The following THRB variants were observed in gnomAD, a reference collection of about 807,000 sequenced individuals.
THRB encodes thyroid hormone receptor beta.
In THRB, 12 loss-of-function variants were observed where a neutral mutation model predicts 47.8. That is an observed-to-expected ratio of 0.25 (90% CI 0.16 to 0.41). THRB has a LOEUF of 0.41. Among genes scored for constraint, THRB ranks in the 10% least tolerant of loss-of-function variants. The pLI is 1.00. For synonymous variants in THRB, 218 were observed against 212.2 expected, an observed-to-expected ratio of 1.03 and a Z score of -0.24; for missense variants, 348 against 589.2, an observed-to-expected ratio of 0.59 and a Z score of 4.24.
At chr3:24,178,382 A>G (rs1432361918) in intron 5 of THRB, among the ~76,000 whole-genome samples, 1 of 152,136 alleles carries the variant, frequency 6.6e-6, no homozygotes, top group Non-Finnish European at 1.5e-5. Context: ...AACCCAGAGC[A>G]AAGGAGGCCA....
At chr3:24,127,078 C>A (rs551093843) in intron 10 of THRB, among the ~76,000 whole-genome samples, 1 of 152,228 alleles carries the variant, frequency 6.6e-6, no homozygotes, top group African/African-American at 2.4e-5. Context: ...ACTAAAACTT[C>A]AGTTGTAGCT....
intron 1 of THRB, chr3:24,431,041 C>A (rs1014608749): frequency 2.3e-4 from 35 of 152,232 alleles, no homozygotes; most frequent in African/African-American, 8.4e-4. Flanking sequence ...CAAACAAACT[C>A]ATGCACTGGT....
intron 1 of THRB, among the ~76,000 whole-genome samples, chr3:24,464,648 A>C (rs553309313): frequency 6.6e-6 from 1 of 152,038 alleles, no homozygotes; most frequent in African/African-American, 2.4e-5. Flanking sequence ...GACTCATTTC[A>C]GTTGTCTTAT....
intron 4 of THRB, among the ~76,000 whole-genome samples, chr3:24,202,423 C>G (rs1484762435): frequency 6.6e-6 from 1 of 152,068 alleles, no homozygotes; most frequent in Non-Finnish European, 1.5e-5. Flanking sequence ...ATTAACCAAA[C>G]AAGAGACAGC....
At chr3:24,205,084 A>G (rs974428964) in intron 4 of THRB, among the ~76,000 whole-genome samples, 1 of 152,220 alleles carries the variant, frequency 6.6e-6, no homozygotes, top group East Asian at 1.9e-4. Context: ...ACTCTGCAGC[A>G]TATTATCCAG....
intron 1 of THRB, among the ~76,000 whole-genome samples, chr3:24,368,518 G>A (rs1192014037): frequency 6.6e-6 from 1 of 152,218 alleles, no homozygotes; most frequent in Non-Finnish European, 1.5e-5. Flanking sequence ...TTCATAGAAA[G>A]AGGAGATGGA....
chr3:24,459,557 T>G (rs1173525991), intron 1 of THRB: 1 of 152,218 alleles, frequency 6.6e-6, no homozygotes, highest in Non-Finnish European at 1.5e-5. Context: ...CCACAATGGT[T>G]GAACTAATTT....
intron 5 of THRB, among the ~76,000 whole-genome samples, chr3:24,175,715 TA>T (rs200305749): frequency 0.012 from 1,754 of 152,254 alleles, 34 homozygotes; most frequent in African/African-American, 0.041. Context: ...TATCATGGCA[TA>T]AAAAAATGCA....
chr3:24,226,835 T>C (rs1014447897), intron 4 of THRB, among the ~76,000 whole-genome samples: 2 of 152,256 alleles, frequency 1.3e-5, no homozygotes, highest in African/African-American at 4.8e-5. Context: ...CAAGTCTATT[T>C]ATTTACATAT....
At chr3:24,222,450 G>T (rs2047246531) in intron 4 of THRB, among the ~76,000 whole-genome samples, 1 of 152,072 alleles carries the variant, frequency 6.6e-6, no homozygotes, top group Non-Finnish European at 1.5e-5. Flanking sequence ...GAAGGGTCCA[G>T]ATTCCTGACT....
chr3:24,426,493 T>C (rs1205505504), intron 1 of THRB, among the ~76,000 whole-genome samples: 1 of 151,980 alleles, frequency 6.6e-6, no homozygotes, highest in Admixed American at 6.6e-5. Context: ...AGCTGAATAA[T>C]GACTGCAAAG....
At chr3:24,134,419 CATTT>C (rs996614590) in intron 8 of THRB, among the ~76,000 whole-genome samples, 8 of 152,284 alleles carry the variant, frequency 5.3e-5, no homozygotes, top group Admixed American at 2.6e-4. Context: ...TCATAACCAC[CATTT>C]ATTTGTGGCC....
At chr3:24,476,901 A>T (rs1448335086) in intron 1 of THRB, among the ~76,000 whole-genome samples, 1 of 152,140 alleles carries the variant, frequency 6.6e-6, no homozygotes, top group African/African-American at 2.4e-5. Context: ...GAAGAAAATG[A>T]TCTCATTATC....
At chr3:24,132,552 T>C (rs999279423) in intron 9 of THRB, among the ~76,000 whole-genome samples, 3 of 152,212 alleles carry the variant, frequency 2.0e-5, no homozygotes, top group Non-Finnish European at 4.4e-5. Context: ...TAAGTGAAGT[T>C]TGAAGACATT....
At chr3:24,281,275 C>CA (rs2054570153) in intron 3 of THRB, among the ~76,000 whole-genome samples, 1 of 151,824 alleles carries the variant, frequency 6.6e-6, no homozygotes, top group Admixed American at 6.6e-5. Flanking sequence ...AGAGTGGGGG[C>CA]CAATATTCAA....
chr3:24,376,814 A>T (rs1352778641), intron 1 of THRB, among the ~76,000 whole-genome samples: 1 of 152,214 alleles, frequency 6.6e-6, no homozygotes, highest in Non-Finnish European at 1.5e-5. Context: ...AGACAATGAC[A>T]TCTAAAGTTT....
At chr3:24,410,573 C>T (rs1186907664) in intron 1 of THRB, among the ~76,000 whole-genome samples, 1 of 151,732 alleles carries the variant, frequency 6.6e-6, no homozygotes, top group Non-Finnish European at 1.5e-5. Flanking sequence ...TCCATTTCAA[C>T]ACTTATACAA....
chr3:24,354,374 T>C (rs1577059220), intron 1 of THRB, among the ~76,000 whole-genome samples: 2 of 152,034 alleles, frequency 1.3e-5, no homozygotes, highest in Admixed American at 6.6e-5. Context: ...GAACTTAAGA[T>C]AAAAGTTAAA....
chr3:24,226,764 C>T (rs981883279), intron 4 of THRB, among the ~76,000 whole-genome samples: 2 of 152,174 alleles, frequency 1.3e-5, no homozygotes, highest in Non-Finnish European at 2.9e-5. Flanking sequence ...AACAAGGGTC[C>T]ACAAAGTATG....
Sources: gnomAD v4.1 joint callset for allele counts (sites outside exome capture counted in the v4.1 genomes callset) on GRCh38, gnomAD v4.1.1 for gene constraint, MANE v1.5 for transcripts, NCBI Gene and HGNC (gene_info 2026-07-23, HGNC 2026-07-21) for gene names.